The following FHIT variants were observed in gnomAD, a reference collection of about 807,000 sequenced individuals.
FHIT encodes fragile histidine triad diadenosine triphosphatase, also known as bis(5'-adenosyl)-triphosphatase.
FHIT carries 19 observed loss-of-function variants against 17.9 expected under a neutral mutation model. That is an observed-to-expected ratio of 1.06 (90% CI 0.74 to 1.56). The LOEUF (loss-of-function observed/expected upper bound fraction) is 1.56, where lower values mean the gene tolerates loss of function less well. Ranked by LOEUF, FHIT falls within the 40% of genes most tolerant of loss-of-function variation. FHIT has a pLI of 0.00. For synonymous variants in FHIT, 81 were observed against 69.7 expected (o/e 1.16, Z -0.81); for missense variants, 248 against 189.2 (o/e 1.31, Z -1.82).
At chr3:59,865,854 G>A (rs551470172) in intron 8 of FHIT, among the ~76,000 whole-genome samples, 22 of 152,278 alleles carry the variant, frequency 1.4e-4, no homozygotes, top group African/African-American at 4.8e-4. Flanking sequence ...AGTGGGGAGT[G>A]AGAGCCTGAG....
intron 5 of FHIT, among the ~76,000 whole-genome samples, chr3:60,203,251 A>T (rs1435360942): frequency 6.6e-6 from 1 of 152,228 alleles, no homozygotes; most frequent in East Asian, 1.9e-4. Flanking sequence ...AAAAAATGAC[A>T]ACCACCAAAT....
intron 4 of FHIT, among the ~76,000 whole-genome samples, chr3:60,797,472 G>GTAGTAGTAGTAA (rs1701024027): frequency 7.7e-6 from 1 of 130,466 alleles, no homozygotes; most frequent in Non-Finnish European, 1.8e-5. Flanking sequence ...AGTAGTAGTA[G>GTAGTAGTAGTAA]TAGTAGTAGT....
intron 4 of FHIT, among the ~76,000 whole-genome samples, chr3:60,699,133 A>T (rs1386436495): frequency 1.3e-5 from 2 of 152,192 alleles, no homozygotes; most frequent in African/African-American, 4.8e-5. Flanking sequence ...TATAACTTTT[A>T]AGTGAATTTA....
At chr3:60,218,746 G>A (rs764731742) in intron 5 of FHIT, among the ~76,000 whole-genome samples, 4 of 151,980 alleles carry the variant, frequency 2.6e-5, no homozygotes, top group Non-Finnish European at 4.4e-5. Context: ...ATCAGCCTTA[G>A]TTACTATTAT....
intron 4 of FHIT, among the ~76,000 whole-genome samples, chr3:60,744,179 A>G (rs1193500570): frequency 6.6e-6 from 1 of 150,660 alleles, no homozygotes; most frequent in Non-Finnish European, 1.5e-5. Flanking sequence ...ACAGCAGTCT[A>G]CTGACGAAAA....
At chr3:60,011,260 C>A in intron 7 of FHIT, 111 bp downstream of exon 7, 1 of 1,009,484 alleles carries the variant, frequency 9.9e-7, no homozygotes, top group South Asian at 1.4e-5. Flanking sequence ...TCTCTCTGAC[C>A]TCGAAGATAA....
intron 5 of FHIT, among the ~76,000 whole-genome samples, chr3:60,432,339 T>G (rs1702941083): frequency 6.6e-6 from 1 of 152,072 alleles, no homozygotes; most frequent in Admixed American, 6.6e-5. Context: ...GCACTCAACA[T>G]TCAACATCCA....
chr3:60,759,011 C>T (rs950855418), intron 4 of FHIT, among the ~76,000 whole-genome samples: 4 of 152,044 alleles, frequency 2.6e-5, no homozygotes, highest in East Asian at 1.9e-4. Context: ...GTTCTGGGGG[C>T]GGAAATCATG....
chr3:61,198,251 T>G (rs961439769), intron 2 of FHIT, among the ~76,000 whole-genome samples: 3 of 152,116 alleles, frequency 2.0e-5, no homozygotes, highest in African/African-American at 7.2e-5. Context: ...TTGGAGGCCA[T>G]GACTACTAGC....
chr3:60,798,925 T>C (rs1553731367), intron 4 of FHIT, among the ~76,000 whole-genome samples: 1 of 151,368 alleles, frequency 6.6e-6, no homozygotes, highest in Non-Finnish European at 1.5e-5. Context: ...GCCCTGCTAG[T>C]TTTTGTATTT....
intron 8 of FHIT, among the ~76,000 whole-genome samples, chr3:59,827,038 C>T (rs1701002462): frequency 1.3e-5 from 2 of 152,150 alleles, no homozygotes; most frequent in African/African-American, 4.8e-5. Context: ...ATGATGCCTT[C>T]TATGTCAGTC....
At chr3:59,997,061 T>C (rs558413181) in intron 7 of FHIT, among the ~76,000 whole-genome samples, 1 of 152,274 alleles carries the variant, frequency 6.6e-6, no homozygotes, top group Non-Finnish European at 1.5e-5. Flanking sequence ...AAGCATTTAT[T>C]GAGAGCCTAC....
At chr3:60,291,615 A>G (rs1285240479) in intron 5 of FHIT, among the ~76,000 whole-genome samples, 2 of 152,284 alleles carry the variant, frequency 1.3e-5, no homozygotes, top group East Asian at 3.9e-4. Context: ...TAGGAAAAAA[A>G]TAATTTCTTG....
intron 5 of FHIT, among the ~76,000 whole-genome samples, chr3:60,095,261 TTCCA>T (rs1302479310): frequency 6.6e-6 from 1 of 152,224 alleles, no homozygotes. Flanking sequence ...AGTGCATACA[TTCCA>T]TTTAACACCC....
chr3:59,980,581 G>A (rs1014611908), intron 7 of FHIT, among the ~76,000 whole-genome samples: 1 of 152,166 alleles, frequency 6.6e-6, no homozygotes, highest in African/African-American at 2.4e-5. Flanking sequence ...TCACAAAGCT[G>A]TGTAAGTCAT....
At chr3:59,907,434 C>T (rs533025189) in intron 8 of FHIT, among the ~76,000 whole-genome samples, 3 of 152,322 alleles carry the variant, frequency 2.0e-5, no homozygotes, top group East Asian at 1.9e-4. Flanking sequence ...ATTCAAAAGG[C>T]GCTGCCCCAG....
chr3:60,459,091 C>T (rs981093811), intron 5 of FHIT, among the ~76,000 whole-genome samples: 5 of 152,022 alleles, frequency 3.3e-5, no homozygotes, highest in African/African-American at 9.7e-5. Context: ...CCATTTTTAT[C>T]GTTGGTGGAA....
At chr3:61,201,088 G>A (rs1485954715) in intron 1 of FHIT, among the ~76,000 whole-genome samples, 1 of 152,128 alleles carries the variant, frequency 6.6e-6, no homozygotes, top group African/African-American at 2.4e-5. Flanking sequence ...ACTTAGGGAT[G>A]CCTATTCCAT....
At chr3:59,911,914 G>A (rs1442455072) in intron 8 of FHIT, among the ~76,000 whole-genome samples, 11 of 152,110 alleles carry the variant, frequency 7.2e-5, no homozygotes, top group South Asian at 4.1e-4. Context: ...TTTGGGTGCC[G>A]GGAGGCAGAG....
Sources: allele counts gnomAD v4.1 joint callset (sites outside exome capture counted in the v4.1 genomes callset), GRCh38; gene constraint gnomAD v4.1.1; transcripts MANE v1.5; gene names NCBI Gene and HGNC (gene_info 2026-07-23, HGNC 2026-07-21).